The following DOT1L variants were observed in gnomAD, a reference collection of about 807,000 sequenced individuals.
DOT1L encodes DOT1 like histone lysine methyltransferase.
A neutral mutation model predicts 153.3 loss-of-function variants in DOT1L; 33 were observed. That is an observed-to-expected ratio of 0.22 (90% CI 0.16 to 0.29). The LOEUF (loss-of-function observed/expected upper bound fraction) is 0.29, where lower values mean the gene tolerates loss of function less well. Ranked by LOEUF, DOT1L falls within the 10% of genes least tolerant of loss-of-function variation. The pLI, the probability that DOT1L is intolerant of heterozygous loss-of-function variation, is 1.00. For missense variants in DOT1L, 1,847 were observed against 2,119.9 expected (o/e 0.87, Z 2.53); for synonymous variants, 1,135 against 965.1 (o/e 1.18, Z -3.26).
chr19:2,194,899 G>C (rs1274961491), intron 7 of DOT1L, among the ~76,000 whole-genome samples: 3 of 152,194 alleles, frequency 2.0e-5, no homozygotes, highest in Admixed American at 2.0e-4. Context: ...TTCTGGGCTG[G>C]CTGCGGCATC....
intron 3 of DOT1L, among the ~76,000 whole-genome samples, chr19:2,189,198 G>A (rs559518838): frequency 2.2e-3 from 336 of 152,332 alleles, no homozygotes; most frequent in Non-Finnish European, 4.1e-3. Flanking sequence ...GGAAGGACAC[G>A]CTCACAGAGC....
chr19:2,217,945 C>T lies in DOT1L; in HGVS notation c.2691+27C>T. The T allele has an allele frequency of 6.2e-7, 1 of 1,606,074 alleles. No individual in the cohort carries two copies. ...TGAGTGGCTCCCAGGTGGCTGTCCC[C>T]AAGGGCCACGTTGAGGCAAAACAGT... On this transcript the variant is annotated intron_variant, in intron 22 of 27. Coordinates refer to ENST00000398665, the MANE Select transcript of DOT1L (RefSeq NM_032482.3). This position sits in a 1 kb window ranked among gnomAD's most constrained non-coding sequence, Gnocchi z 7.3.
chr19:2,222,504 C>A lies in DOT1L; in HGVS notation c.3335C>A (p.Ser1112Tyr). The change falls in exon 24 of 28, where the codon TCC becomes TAC. Residue 1112 changes from serine to tyrosine, a missense_variant. Physicochemically the swap from Ser to Tyr is moderately radical, Grantham distance 144 (BLOSUM62 -2). Transcript: ENST00000398665. The surrounding 1 kb of genome is among the most constrained non-coding windows in gnomAD (Gnocchi z 6.5). Reference sequence around the variant, plus strand: ...TCCCCCAAGCGCCGAGCCCTGCCGTCCGTCGCTGGCCTTTTCACACAGCCT... The same window carrying A: ...TCCCCCAAGCGCCGAGCCCTGCCGTACGTCGCTGGCCTTTTCACACAGCCT... ...GVSPKRRALP[S>Y]VAGLFTQPSG... 6.3e-7 allele frequency: 1 copy of A among 1,577,406 alleles called. No individual in the cohort carries two copies. Among genetic ancestry groups the A allele is most frequent in the South Asian group, 1.1e-5 (1 of 88,470 alleles).
intron 25 of DOT1L, among the ~76,000 whole-genome samples, chr19:2,223,710 G>C (rs1428879903): frequency 6.6e-6 from 1 of 152,204 alleles, no homozygotes; most frequent in East Asian, 1.9e-4. Context: ...ACACGAGCAG[G>C]GCCATCGGTT....
At chr19:2,185,628 G>T (rs957950632) in intron 2 of DOT1L, among the ~76,000 whole-genome samples, 3 of 152,096 alleles carry the variant, frequency 2.0e-5, no homozygotes, top group Non-Finnish European at 4.4e-5. Context: ...AATTAGCCAG[G>T]CGTGGTGGTG....
chr19:2,172,848 C>T (rs1427480793), intron 1 of DOT1L, among the ~76,000 whole-genome samples: 2 of 151,892 alleles, frequency 1.3e-5, no homozygotes, highest in Non-Finnish European at 2.9e-5. Context: ...TGTGACAGTT[C>T]ACGTATCATA....
chr19:2,181,760 A>G (rs113484249), intron 2 of DOT1L, among the ~76,000 whole-genome samples: 1 of 138,344 alleles, frequency 7.2e-6, no homozygotes, highest in Non-Finnish European at 1.6e-5. Context: ...GCCCCCGCCC[A>G]GCACCAGCCC....
intron 1 of DOT1L, among the ~76,000 whole-genome samples, chr19:2,174,972 G>A (rs1014460675): frequency 9.5e-6 from 1 of 105,540 alleles, no homozygotes; most frequent in African/African-American, 4.2e-5. Flanking sequence ...GTGTGTGTGT[G>A]TGTGTGTGTG....
At chr19:2,223,692 G>A (rs912660552) in intron 25 of DOT1L, among the ~76,000 whole-genome samples, 1 of 152,184 alleles carries the variant, frequency 6.6e-6, no homozygotes, top group African/African-American at 2.4e-5. Flanking sequence ...CGGGCCATTC[G>A]GGGTGGGACA....
Position 2,210,466 on chromosome 19 carries a change from A to G in DOT1L, c.1072A>G (p.Lys358Glu). The change falls in exon 13 of 28, where the codon AAG becomes GAG. Residue 358 changes from lysine (K) to glutamate (E), a missense_variant. Around this residue, in one of 8 missense-constraint regions of DOT1L, gnomAD observed 205 missense variants for 203.1 expected, o/e 1.01. Transcript: ENST00000398665. ...CAAGAGCAACGCGGCCACGCCCACTAAGGGCCCAGAGGGCAAGGTGGCCGG... is the reference window on the plus strand; with the variant it reads ...CAAGAGCAACGCGGCCACGCCCACTGAGGGCCCAGAGGGCAAGGTGGCCGG... ...ESKSNAATPT[K>E]GPEGKVAGPA... 2 of 1,591,896 alleles carry G rather than the reference A, an allele frequency of 1.3e-6. No homozygotes were observed. Among genetic ancestry groups the G allele is most frequent in the Non-Finnish European group, 1.7e-6 (2 of 1,172,086 alleles).
At position 2,208,195 on chromosome 19, in the gene DOT1L, G is replaced by A. The variant is rs1375347510; in HGVS notation, c.963+515G>A. Among the ~76,000 whole-genome samples, 2 of 152,080 alleles carry A rather than the reference G, an allele frequency of 1.3e-5. No homozygotes were observed. The highest frequency in any genetic ancestry group is 2.1e-4 in the South Asian group (1 of 4,828). ...CTGCCTCCCACGGTGCTTCCCCCCC[G>A]GGCACGAGTATCCCGAGCCTCCTGG... On this transcript the variant is annotated intron_variant, in intron 11 of 27. Transcript: ENST00000398665. The surrounding 1 kb of genome is among the most constrained non-coding windows in gnomAD (Gnocchi z 4.4).
rs1393392623 is a variant in DOT1L at position 2,185,778 on chromosome 19, A to G, written c.126-77A>G. 9 of 1,535,000 alleles carry G rather than the reference A, an allele frequency of 5.9e-6. No individual in the cohort carries two copies. The Admixed American group carries it at 1.5e-4, about 26-fold the overall frequency. ...AGTGAGACTCCGTCTCAAAACAAAA[A>G]CAAAAACAAAAACAAAACACAAAAC... On this transcript the variant is annotated intron_variant, in intron 2 of 27. Transcript: ENST00000398665.
At chr19:2,211,674 T>TGC in intron 15 of DOT1L, 77 bp from the exon 16 acceptor site, 1 of 1,322,034 alleles carries the variant, frequency 7.6e-7, no homozygotes, top group Non-Finnish European at 1.0e-6. Flanking sequence ...TGGGACTCGT[T>TGC]CTCAAGGGCT....
intron 2 of DOT1L, among the ~76,000 whole-genome samples, chr19:2,181,947 G>T (rs1442760040): frequency 6.6e-6 from 1 of 152,228 alleles, no homozygotes; most frequent in African/African-American, 2.4e-5. Flanking sequence ...CTCAAGCTGT[G>T]CACGGTGGCT....
In DOT1L at chr19:2,208,334, G is replaced by T. The variant is rs2023582699; in HGVS notation, c.964-601G>T. Among the ~76,000 whole-genome samples the T allele has an allele frequency of 6.6e-6, 1 of 152,138 alleles. No individual in the cohort carries two copies. The highest frequency in any genetic ancestry group is 1.5e-5 in the Non-Finnish European group (1 of 68,016). On this transcript the variant is annotated intron_variant, in intron 11 of 27. Transcript: ENST00000398665. This position sits in a 1 kb window ranked among gnomAD's most constrained non-coding sequence, Gnocchi z 4.4. ...GGGTAGCGGTGGTTTTCCTTACGGT[G>T]GTGCTGGTGTGTCTGCACCCTCACT...
rs924059585 is a variant in DOT1L, at chr19:2,197,644, G to T, written c.652-2240G>T. ...GGCATGGAGCTGCGTTCGTGGTCTG[G>T]ATTCCGTGCAGGTTTAGGTGCTCAC... On this transcript the variant is annotated intron_variant, in intron 7 of 27. Coordinates refer to ENST00000398665, the MANE Select transcript of DOT1L (RefSeq NM_032482.3). This position sits in a 1 kb window ranked among gnomAD's most constrained non-coding sequence, Gnocchi z 4.1. Among the ~76,000 whole-genome samples the T allele has an allele frequency of 6.6e-6, 1 of 152,212 alleles. No homozygotes were observed. The highest frequency in any genetic ancestry group is 1.5e-5 in the Non-Finnish European group (1 of 68,026).
At chr19:2,229,097 G>A (rs2024490466) in intron 27 of DOT1L, 2 of 985,452 alleles carry the variant, frequency 2.0e-6, no homozygotes, top group African/African-American at 1.7e-5. Context: ...CACCAAGCTG[G>A]GCAGGTTAGT....
At position 2,227,020 on chromosome 19, in the gene DOT1L, C is replaced by G; in HGVS notation, c.4499C>G (p.Ser1500Cys). Residue 1500 changes from serine (S) to cysteine (C), a missense_variant, in exon 27 of 28, where the codon TCT (serine) becomes TGT (cysteine). Physicochemically the swap from Ser to Cys is moderately radical, Grantham distance 112 (BLOSUM62 -1). Coordinates refer to ENST00000398665, the MANE Select transcript of DOT1L (RefSeq NM_032482.3). ...GSSVLQSLFS[S>C]VPAAAGLVHV... ...TCCGTGCTGCAGTCGCTGTTCAGCT[C>G]TGTGCCGGCCGCCGCAGGCCTGGTG... 3.8e-6 allele frequency: 6 copies of G among 1,587,284 alleles called. No homozygotes were observed. Among genetic ancestry groups the G allele is most frequent in the African/African-American group, 1.3e-5 (1 of 74,416 alleles).
intron 25 of DOT1L, 54 bp downstream of exon 25, chr19:2,223,540 C>T: frequency 1.4e-6 from 1 of 731,042 alleles, no homozygotes; most frequent in South Asian, 1.6e-5. Flanking sequence ...GCAGGAGGTG[C>T]CTGCTCACTG....
Sources: allele counts gnomAD v4.1 joint callset (sites outside exome capture counted in the v4.1 genomes callset), GRCh38; gene constraint gnomAD v4.1.1; regional missense constraint gnomAD v4.1.1; non-coding constraint Gnocchi (gnomAD v3.1); transcripts MANE v1.5; gene names NCBI Gene and HGNC (gene_info 2026-07-23, HGNC 2026-07-21).